The following MYO3B variants were observed in gnomAD, a reference collection of about 807,000 sequenced individuals.
MYO3B encodes myosin IIIB.
MYO3B carries 156 observed loss-of-function variants against 174.6 expected under a neutral mutation model. The ratio of observed to expected loss-of-function variants is 0.89; its 90% CI spans 0.78 to 1.02. The LOEUF is 1.02. Ranked by LOEUF, MYO3B falls within the 50% of genes least tolerant of loss-of-function variation. The pLI is 0.00. For synonymous variants in MYO3B, 563 were observed against 569.1 expected, an observed-to-expected ratio of 0.99 and a Z score of 0.15; for missense variants, 1,632 against 1,639.4, an observed-to-expected ratio of 1.00 and a Z score of 0.08.
chr2:170,576,575 C>T (rs941730763), intron 32 of MYO3B, among the ~76,000 whole-genome samples: 1 of 152,172 alleles, frequency 6.6e-6, no homozygotes, highest in African/African-American at 2.4e-5. Context: ...TCCACCGTCA[C>T]ACAGAGCATG....
chr2:170,339,412 T>A (rs952181395), intron 8 of MYO3B, among the ~76,000 whole-genome samples: 29 of 152,234 alleles, frequency 1.9e-4, no homozygotes, highest in African/African-American at 7.0e-4. Flanking sequence ...TCTTTTTTAG[T>A]CCATGCTGGT....
chr2:170,471,530 C>A (rs189959009), intron 25 of MYO3B, among the ~76,000 whole-genome samples: 1 of 152,118 alleles, frequency 6.6e-6, no homozygotes, highest in Non-Finnish European at 1.5e-5. Flanking sequence ...GTAGTTTTAC[C>A]TCTTATATTT....
At chr2:170,585,427 G>C (rs1216769703) in intron 32 of MYO3B, among the ~76,000 whole-genome samples, 3 of 150,794 alleles carry the variant, frequency 2.0e-5, no homozygotes, top group African/African-American at 7.3e-5. Context: ...GCTTCAGACA[G>C]AAAAAAAAAG....
chr2:170,264,126 G>T (rs546906238), intron 7 of MYO3B, among the ~76,000 whole-genome samples: 16 of 152,338 alleles, frequency 1.1e-4, no homozygotes, highest in Non-Finnish European at 2.2e-4. Context: ...ACATGTCTCT[G>T]CGAGCACAGG....
chr2:170,403,456 T>C (rs1240094411), intron 19 of MYO3B, among the ~76,000 whole-genome samples: 2 of 152,122 alleles, frequency 1.3e-5, no homozygotes, highest in Non-Finnish European at 2.9e-5. Flanking sequence ...CTTGGTTTTC[T>C]AGAAATGGAA....
At chr2:170,537,838 G>A (rs1689824028) in intron 30 of MYO3B, among the ~76,000 whole-genome samples, 1 of 152,120 alleles carries the variant, frequency 6.6e-6, no homozygotes, top group Non-Finnish European at 1.5e-5. Context: ...GCTACCAAAT[G>A]AGACACAAAT....
intron 18 of MYO3B, 74 bp downstream of exon 18, chr2:170,401,765 GA>G: frequency 7.5e-7 from 1 of 1,330,090 alleles, no homozygotes; most frequent in Non-Finnish European, 1.1e-6. Flanking sequence ...TTTGCAAAAG[GA>G]AGCATTTGGT....
intron 1 of MYO3B, among the ~76,000 whole-genome samples, chr2:170,188,696 A>G (rs1404725396): frequency 6.6e-6 from 1 of 152,146 alleles, no homozygotes; most frequent in African/African-American, 2.4e-5. Flanking sequence ...TTTATTAATA[A>G]ACTAATGATA....
intron 7 of MYO3B, among the ~76,000 whole-genome samples, chr2:170,284,614 G>T (rs1196012566): frequency 6.6e-6 from 1 of 152,138 alleles, no homozygotes; most frequent in Non-Finnish European, 1.5e-5. Flanking sequence ...TTCCTGAGGA[G>T]AGTGGCCTAC....
At position 170,472,673 on chromosome 2, in the gene MYO3B, C is replaced by CTATCTATCTATTTATT. The variant is rs367755209; in HGVS notation, c.3014+5965_3014+5966insCTATCTATTTATTTAT. ...GGATATTTTTCAGCTCACTTTTTAT[C>CTATCTATCTATTTATT]TATTTATTTATTTATTTATTTATTT... On this transcript the variant is annotated intron_variant, in intron 25 of 34. Coordinates refer to ENST00000408978, the MANE Select transcript of MYO3B (RefSeq NM_138995.5). Among the ~76,000 whole-genome samples the CTATCTATCTATTTATT allele has an allele frequency of 1.1e-4, 16 of 142,364 alleles. No individual in the cohort carries two copies. The Admixed American group carries it at 1.1e-3, about 10-fold the overall frequency. The allele number at this position is 142,364 out of a possible 152,430, so 93.4% of individuals were successfully genotyped here. A position where few individuals can be genotyped will look rare whatever the true frequency, so the allele number is the denominator to read the frequency against.
intron 7 of MYO3B, among the ~76,000 whole-genome samples, chr2:170,315,667 T>C (rs2093770653): frequency 6.6e-6 from 1 of 152,250 alleles, no homozygotes; most frequent in African/African-American, 2.4e-5. Context: ...ACTTCATGTT[T>C]GACAGTGTTA....
intron 1 of MYO3B, among the ~76,000 whole-genome samples, chr2:170,192,519 AT>A (rs2092552756): frequency 6.7e-6 from 1 of 150,214 alleles, no homozygotes; most frequent in African/African-American, 2.4e-5. Flanking sequence ...AACATCTTTA[AT>A]TTAATTATAT....
intron 7 of MYO3B, among the ~76,000 whole-genome samples, chr2:170,245,798 G>A (rs1288071996): frequency 1.3e-5 from 2 of 152,202 alleles, no homozygotes; most frequent in Non-Finnish European, 2.9e-5. Context: ...CCAGGACAGG[G>A]TCCTCAGTCC....
At chr2:170,490,032 CTTT>C (rs1421250552) in intron 25 of MYO3B, among the ~76,000 whole-genome samples, 1 of 139,634 alleles carries the variant, frequency 7.2e-6, no homozygotes, top group Non-Finnish European at 1.6e-5. Context: ...TCTTTTCTTT[CTTT>C]TTTTTTTTTT....
chr2:170,460,487 CAA>C (rs36000141), intron 23 of MYO3B, among the ~76,000 whole-genome samples: 3,868 of 73,362 alleles, frequency 0.053, 32 homozygotes, highest in South Asian at 0.14. Context: ...GACTCCGTCT[CAA>C]AAAAAAAAAA....
intron 9 of MYO3B, among the ~76,000 whole-genome samples, chr2:170,379,079 A>C (rs1449286117): frequency 6.6e-6 from 1 of 152,054 alleles, no homozygotes; most frequent in South Asian, 2.1e-4. Flanking sequence ...TTAATTATTG[A>C]TTTTCTTTGT....
intron 22 of MYO3B, among the ~76,000 whole-genome samples, chr2:170,421,330 G>A (rs922332450): frequency 1.1e-4 from 17 of 152,196 alleles, no homozygotes; most frequent in African/African-American, 3.9e-4. Context: ...CCAGAGGAGT[G>A]CAGATGTAAT....
At chr2:170,494,360 T>C (rs1382260237) in intron 25 of MYO3B, among the ~76,000 whole-genome samples, 1 of 152,232 alleles carries the variant, frequency 6.6e-6, no homozygotes, top group Admixed American at 6.5e-5. Flanking sequence ...TTATATGTTT[T>C]AATAAAATGA....
intron 7 of MYO3B, among the ~76,000 whole-genome samples, chr2:170,280,501 A>T (rs115653587): frequency 0.015 from 2,237 of 148,672 alleles, 36 homozygotes; most frequent in Middle Eastern, 0.065. Context: ...CTTTTGTGGC[A>T]ATTTTGCCAT....
Sources: gnomAD v4.1 joint callset for allele counts (sites outside exome capture counted in the v4.1 genomes callset) on GRCh38, gnomAD v4.1.1 for gene constraint, MANE v1.5 for transcripts, NCBI Gene and HGNC (gene_info 2026-07-23, HGNC 2026-07-21) for gene names.